The following TMEM106B variants were observed in gnomAD, a reference collection of about 807,000 sequenced individuals.
The protein encoded by TMEM106B is transmembrane protein 106B.
In TMEM106B, 15 loss-of-function variants were observed where a neutral mutation model predicts 31.1. The ratio of observed to expected loss-of-function variants is 0.48; its 90% confidence interval spans 0.32 to 0.74. TMEM106B has a LOEUF of 0.74. Among genes scored for constraint, TMEM106B ranks in the 30% least tolerant of loss-of-function variants. The pLI is 0.03. For synonymous variants in TMEM106B, 126 were observed against 112.5 expected, an observed-to-expected ratio of 1.12 and a Z score of -0.76; for missense variants, 283 against 327.3, an observed-to-expected ratio of 0.86 and a Z score of 1.04.
rs148430219 is a variant in TMEM106B at position 12,215,506 on chromosome 7, G to C, written c.217+479G>C. 2.9e-3 allele frequency: 537 copies of C among 186,964 alleles called. 1 individual carries two copies. The highest frequency in any genetic ancestry group is 0.011 in the Middle Eastern group (4 of 350). The allele number at this position is 186,964 out of a possible 1,614,324, so 11.6% of individuals were successfully genotyped here. ...CCCACCTCGGCTTCCCAGAGTGCTA[G>C]GATTATAGCAGTAAGCCACCATGCC... On this transcript the variant is annotated intron_variant, in intron 2 of 7. Transcript: ENST00000396668.
chr7:12,227,424 C>A (rs1329281877), intron 4 of TMEM106B, among the ~76,000 whole-genome samples: 1 of 151,992 alleles, frequency 6.6e-6, no homozygotes, highest in Non-Finnish European at 1.5e-5. Context: ...ACGAACAATG[C>A]ATATACATTT....
intron 1 of TMEM106B, chr7:12,214,508 T>G (rs1368578245): frequency 4.3e-5 from 11 of 254,620 alleles, no homozygotes; most frequent in Admixed American, 3.5e-4. Flanking sequence ...GTCCTGCTTT[T>G]CTGGGCTGAA....
rs944933453 is a variant in TMEM106B at position 12,236,893 on chromosome 7, G to C, written c.*4918G>C. ...TATAACAGATTTTGGAAAATGATTTGACGTGCTTGCTCACTTGATTGACTT... is the reference window on the plus strand; with the variant it reads ...TATAACAGATTTTGGAAAATGATTTCACGTGCTTGCTCACTTGATTGACTT... On this transcript the variant is annotated 3_prime_UTR_variant, in exon 8 of 8. Coordinates refer to ENST00000396668, the MANE Select transcript of TMEM106B (RefSeq NM_001134232.2). 3.3e-5 allele frequency: 5 copies of C among 151,984 alleles called. No individual in the cohort carries two copies. Among genetic ancestry groups the C allele is most frequent in the Non-Finnish European group, 7.4e-5 (5 of 67,930 alleles). 9.4% of individuals were successfully genotyped at this position (151,984 alleles called of 1,614,324 possible).
In TMEM106B at chr7:12,218,330, G is replaced by C. The variant is rs970430459; in HGVS notation, c.218-128G>C. ...CTGCTGGATACTTTCTGAAGACTTA[G>C]CAATTTACTAAAGGAAAGAGATGAG... On this transcript the variant is annotated intron_variant, in intron 2 of 7. Coordinates refer to ENST00000396668, the MANE Select transcript of TMEM106B (RefSeq NM_001134232.2). 1.3e-5 allele frequency: 8 copies of C among 600,284 alleles called. No homozygotes were observed. In the African/African-American group the frequency reaches 1.5e-4, roughly 12 times the overall value. 37.2% of individuals were successfully genotyped at this position (600,284 alleles called of 1,614,324 possible).
rs1248920532 is a variant in TMEM106B at position 12,236,760 on chromosome 7, G to A, written c.*4785G>A. ...TATTATTGTGTCAGATGAAACAAAT[G>A]CCAAGTTGCAAAATATGCAGATTTT... is the stretch of plus-strand genomic sequence containing the variant. On this transcript the variant is annotated 3_prime_UTR_variant, in exon 8 of 8. Transcript: ENST00000396668. 6.6e-6 allele frequency: 1 copy of A among 151,944 alleles called. No individual in the cohort carries two copies. The highest frequency in any genetic ancestry group is 1.5e-5 in the Non-Finnish European group (1 of 67,906). The allele number at this position is 151,944 out of a possible 1,614,324, so 9.4% of individuals were successfully genotyped here.
Position 12,240,414 on chromosome 7 carries a change from T to G in TMEM106B, c.*8439T>G, listed in dbSNP as rs1312842547. On this transcript the variant is annotated 3_prime_UTR_variant, in exon 8 of 8. Transcript: ENST00000396668. ...CAGTCACAAAGTTTGAGCCAAGTTT[T>G]TTTGTTTTAAACTTGTTTTAAACTT... is the stretch of plus-strand genomic sequence containing the variant. The G allele has an allele frequency of 1.3e-5, 2 of 152,190 alleles. No individual in the cohort carries two copies. The highest frequency in any genetic ancestry group is 3.9e-4 in the East Asian group (2 of 5,192). 9.4% of individuals were successfully genotyped at this position (152,190 alleles called of 1,614,324 possible). A position where few individuals can be genotyped will look rare whatever the true frequency, so the allele number is the denominator to read the frequency against.
intron 4 of TMEM106B, 97 bp from the exon 5 acceptor site, chr7:12,229,578 TAATA>T (rs1781973866): frequency 2.0e-6 from 2 of 1,004,466 alleles, no homozygotes; most frequent in South Asian, 2.1e-5. Flanking sequence ...TTCTTTTTCT[TAATA>T]AATGAAGCAT....
rs1782216889 is a variant in TMEM106B at position 12,240,279 on chromosome 7, A to G, written c.*8304A>G. ...TTATCCCCCAATTCTATCTTTTTCA[A>G]TGCCCACTTCGTGTCCAACCCCTCT... is the stretch of plus-strand genomic sequence containing the variant. On this transcript the variant is annotated 3_prime_UTR_variant, in exon 8 of 8. Transcript: ENST00000396668. 6.6e-6 allele frequency: 1 copy of G among 152,092 alleles called. No individual in the cohort carries two copies. The highest frequency in any genetic ancestry group is 1.5e-5 in the Non-Finnish European group (1 of 68,020). The allele number at this position is 152,092 out of a possible 1,614,324, so 9.4% of individuals were successfully genotyped here. A position where few individuals can be genotyped will look rare whatever the true frequency, so the allele number is the denominator to read the frequency against.
chr7:12,226,901 A>T (rs1016603682), intron 4 of TMEM106B, among the ~76,000 whole-genome samples: 7 of 146,124 alleles, frequency 4.8e-5, no homozygotes, highest in African/African-American at 1.8e-4. Context: ...AACAAGGAAC[A>T]TATTTTCTTT....
intron 1 of TMEM106B, among the ~76,000 whole-genome samples, chr7:12,212,954 A>G (rs1359596928): frequency 5.9e-5 from 9 of 152,098 alleles, no homozygotes; most frequent in Non-Finnish European, 5.9e-5. Flanking sequence ...TAATTATGTT[A>G]TTTTTCAGTT....
At position 12,236,446 on chromosome 7, in the gene TMEM106B, T is replaced by G. The variant is rs558785964; in HGVS notation, c.*4471T>G. 6.6e-6 allele frequency: 1 copy of G among 152,128 alleles called. No individual in the cohort carries two copies. Among genetic ancestry groups the G allele is most frequent in the East Asian group, 1.9e-4 (1 of 5,186 alleles). 9.4% of individuals were successfully genotyped at this position (152,128 alleles called of 1,614,324 possible). ...TTAATTTAACAAATATGGCAGATTT[T>G]TCATAACTAAGTCTTAAGTCTTCTA... On this transcript the variant is annotated 3_prime_UTR_variant, in exon 8 of 8. Coordinates refer to ENST00000396668, the MANE Select transcript of TMEM106B (RefSeq NM_001134232.2).
At chr7:12,212,096 C>T (rs1781590709) in intron 1 of TMEM106B, among the ~76,000 whole-genome samples, 1 of 152,212 alleles carries the variant, frequency 6.6e-6, no homozygotes, top group Admixed American at 6.5e-5. Context: ...CCCAGTTTCT[C>T]ACAGAGTCTG....
In TMEM106B at chr7:12,233,457, A is replaced by G. The variant is rs765952923; in HGVS notation, c.*1482A>G. The G allele has an allele frequency of 4.0e-5, 6 of 151,628 alleles. No homozygotes were observed. The highest frequency in any genetic ancestry group is 9.7e-5 in the African/African-American group (4 of 41,384). 9.4% of individuals were successfully genotyped at this position (151,628 alleles called of 1,614,324 possible). ...AGTCTGACTCTCTCAACCATAAAAC[A>G]TAAGCTTTATTTAATTCTGCCTTTA... On this transcript the variant is annotated 3_prime_UTR_variant, in exon 8 of 8. Transcript: ENST00000396668.
chr7:12,231,526 C>CT, intron 7 of TMEM106B: 1 of 260,002 alleles, frequency 3.8e-6, no homozygotes, highest in Non-Finnish European at 7.2e-6. Flanking sequence ...TTTGATTAAC[C>CT]TTTTTTTCTA....
Position 12,215,710 on chromosome 7 carries a change from G to A in TMEM106B, c.217+683G>A, listed in dbSNP as rs141661143. On this transcript the variant is annotated intron_variant, in intron 2 of 7. Coordinates refer to ENST00000396668, the MANE Select transcript of TMEM106B (RefSeq NM_001134232.2). ...TAGAATTACAGCTGTGAGCCACCAC[G>A]CCTGGCCAACCTAATATTTTTAATT... 744 of 248,198 alleles carry A rather than the reference G, an allele frequency of 3.0e-3. 2 individuals are homozygous for A. Among genetic ancestry groups the A allele is most frequent in the Non-Finnish European group, 4.6e-3 (512 of 110,368 alleles). The allele number at this position is 248,198 out of a possible 1,614,324, so 15.4% of individuals were successfully genotyped here.
intron 4 of TMEM106B, among the ~76,000 whole-genome samples, chr7:12,227,073 A>G (rs1463464290): frequency 6.6e-6 from 1 of 152,224 alleles, no homozygotes; most frequent in African/African-American, 2.4e-5. Flanking sequence ...ATCATACTCT[A>G]TTTTAAGTAA....
At chr7:12,221,444 C>T (rs928652241) in intron 3 of TMEM106B, among the ~76,000 whole-genome samples, 4 of 151,956 alleles carry the variant, frequency 2.6e-5, no homozygotes, top group Non-Finnish European at 4.4e-5. Context: ...GCAATAAGAC[C>T]AAAGAGATAC....
chr7:12,225,016 C>A (rs149105187), intron 4 of TMEM106B, among the ~76,000 whole-genome samples: 1 of 152,086 alleles, frequency 6.6e-6, no homozygotes, highest in Non-Finnish European at 1.5e-5. Flanking sequence ...ATCCCTCCCC[C>A]ATCCCTCCAC....
rs189687388 is a variant in TMEM106B, at chr7:12,237,834, C to T, written c.*5859C>T. 19 of 132,202 alleles carry T rather than the reference C, an allele frequency of 1.4e-4. No individual in the cohort carries two copies. The highest frequency in any genetic ancestry group is 1.9e-4 in the Non-Finnish European group (11 of 57,744). 8.2% of individuals were successfully genotyped at this position (132,202 alleles called of 1,614,324 possible). A position where few individuals can be genotyped will look rare whatever the true frequency, so the allele number is the denominator to read the frequency against. On this transcript the variant is annotated 3_prime_UTR_variant, in exon 8 of 8. Coordinates refer to ENST00000396668, the MANE Select transcript of TMEM106B (RefSeq NM_001134232.2). ...ATATACATACACACACACACACACA[C>T]ACACACACACACACACACACACTAT...
Sources: allele counts gnomAD v4.1 joint callset (sites outside exome capture counted in the v4.1 genomes callset), GRCh38; gene constraint gnomAD v4.1.1; transcripts MANE v1.5; gene names NCBI Gene and HGNC (gene_info 2026-07-23, HGNC 2026-07-21).